The following CDIN1 variants were observed in gnomAD, a reference collection of about 807,000 sequenced individuals.
CDIN1 encodes the protein CDAN1-interacting nuclease 1.
Under a neutral mutation model 45.3 loss-of-function variants are expected in CDIN1, and 33 were observed. The ratio of observed to expected loss-of-function variants is 0.73; its 90% confidence interval spans 0.55 to 0.97. The LOEUF (loss-of-function observed/expected upper bound fraction) is 0.97. Among genes scored for constraint, CDIN1 ranks in the 50% least tolerant of loss-of-function variants. The pLI, the probability that CDIN1 is intolerant of heterozygous loss-of-function variation, is 0.00. For synonymous variants in CDIN1, 118 were observed against 124.4 expected (o/e 0.95, Z 0.34); for missense variants, 303 against 339.4 (o/e 0.89, Z 0.84).
intron 1 of CDIN1, among the ~76,000 whole-genome samples, chr15:36,604,949 G>A (rs909026832): frequency 6.6e-6 from 1 of 152,038 alleles, no homozygotes; most frequent in African/African-American, 2.4e-5. Context: ...AAGAGAAAGG[G>A]GGATTTAGAC....
At chr15:36,735,041 T>C (rs904275295) in intron 10 of CDIN1, among the ~76,000 whole-genome samples, 9 of 152,208 alleles carry the variant, frequency 5.9e-5, no homozygotes, top group South Asian at 4.1e-4. Context: ...TCAGTTTAAA[T>C]TATTATTCTG....
intron 1 of CDIN1, among the ~76,000 whole-genome samples, chr15:36,637,990 T>G (rs1239553026): frequency 6.6e-6 from 1 of 152,176 alleles, no homozygotes. Flanking sequence ...GCGTTATCTT[T>G]TGGGGTGCTG....
intron 4 of CDIN1, among the ~76,000 whole-genome samples, chr15:36,657,317 C>G (rs1400112588): frequency 6.6e-6 from 1 of 151,842 alleles, no homozygotes; most frequent in Non-Finnish European, 1.5e-5. Context: ...GAATTTATAC[C>G]AAAATTTCAG....
At chr15:36,657,255 A>G (rs1200506919) in intron 4 of CDIN1, among the ~76,000 whole-genome samples, 1 of 152,136 alleles carries the variant, frequency 6.6e-6, no homozygotes, top group Non-Finnish European at 1.5e-5. Context: ...TTTATTATTA[A>G]CATCTCTGCA....
At chr15:36,664,842 A>G (rs574194978) in intron 5 of CDIN1, among the ~76,000 whole-genome samples, 6 of 152,334 alleles carry the variant, frequency 3.9e-5, no homozygotes, top group Admixed American at 2.0e-4. Flanking sequence ...CACCGCGCCC[A>G]GCCTGGTTAC....
intron 5 of CDIN1, among the ~76,000 whole-genome samples, chr15:36,686,695 A>G (rs1203056827): frequency 6.6e-6 from 1 of 151,544 alleles, no homozygotes; most frequent in Non-Finnish European, 1.5e-5. Context: ...GCCTGGCAAC[A>G]TAGTGAAACC....
chr15:36,596,796 A>AAAC lies in CDIN1; in HGVS notation c.101+16847_101+16849dup, dbSNP rs1192324551. 2.0e-5 allele frequency among the ~76,000 whole-genome samples: 3 copies of AAAC among 152,252 alleles called. No individual in the cohort carries two copies. In the East Asian group the frequency reaches 5.8e-4, roughly 29 times the overall value. On this transcript the variant is annotated intron_variant, in intron 1 of 10. Transcript: ENST00000566621. ...CTCTTTAAAAAAAACAAAAAACAAA[A>AAAC]AACAACAACAACAAAAAAAACCCAG...
chr15:36,625,694 C>G (rs1412132780), intron 1 of CDIN1, among the ~76,000 whole-genome samples: 2 of 152,132 alleles, frequency 1.3e-5, no homozygotes, highest in Non-Finnish European at 2.9e-5. Context: ...CTCGGGAGAG[C>G]CTGGCCCAGT....
intron 1 of CDIN1, among the ~76,000 whole-genome samples, chr15:36,581,390 C>G (rs1179711110): frequency 6.6e-6 from 1 of 152,084 alleles, no homozygotes; most frequent in African/African-American, 2.4e-5. Context: ...GTGTCTGTTA[C>G]TTTAATCAAC....
intron 1 of CDIN1, among the ~76,000 whole-genome samples, chr15:36,594,043 C>A (rs150853080): frequency 6.6e-6 from 1 of 152,194 alleles, no homozygotes; most frequent in African/African-American, 2.4e-5. Flanking sequence ...TCAAAGTTTT[C>A]TTTTAATTTA....
At chr15:36,796,216 G>A (rs1380859096) in intron 10 of CDIN1, among the ~76,000 whole-genome samples, 1 of 152,100 alleles carries the variant, frequency 6.6e-6, no homozygotes, top group Non-Finnish European at 1.5e-5. Flanking sequence ...TGGGGTTTTT[G>A]GCATCAGGCA....
intron 1 of CDIN1, among the ~76,000 whole-genome samples, chr15:36,587,759 T>G (rs1595708114): frequency 1.3e-5 from 2 of 152,148 alleles, no homozygotes; most frequent in East Asian, 3.9e-4. Context: ...AAGCTCTATC[T>G]CTTTTTATCT....
At chr15:36,670,154 C>A (rs1285416261) in intron 5 of CDIN1, among the ~76,000 whole-genome samples, 1 of 151,902 alleles carries the variant, frequency 6.6e-6, no homozygotes, top group East Asian at 1.9e-4. Flanking sequence ...AGATACAGTC[C>A]CACTAAACAA....
At chr15:36,659,267 C>T (rs1446312826) in intron 5 of CDIN1, among the ~76,000 whole-genome samples, 1 of 152,186 alleles carries the variant, frequency 6.6e-6, no homozygotes, top group East Asian at 1.9e-4. Flanking sequence ...ATCTTTATAA[C>T]ACTGGCACAT....
At chr15:36,787,237 T>G (rs1259569311) in intron 10 of CDIN1, among the ~76,000 whole-genome samples, 1 of 152,220 alleles carries the variant, frequency 6.6e-6, no homozygotes, top group Non-Finnish European at 1.5e-5. Flanking sequence ...TCTGCCCTGG[T>G]TCTTACCCAT....
At chr15:36,720,253 ATTATTTATTTAT>A (rs140642356) in intron 10 of CDIN1, among the ~76,000 whole-genome samples, 4 of 145,442 alleles carry the variant, frequency 2.8e-5, no homozygotes, top group East Asian at 2.0e-4. Context: ...TTTATTATTT[ATTATTTATTTAT>A]TTATTTATTT....
chr15:36,582,823 T>A (rs2037109441), intron 1 of CDIN1, among the ~76,000 whole-genome samples: 1 of 152,334 alleles, frequency 6.6e-6, no homozygotes, highest in South Asian at 2.1e-4. Context: ...TTTTCCAGTA[T>A]TGAGAAGAGT....
At chr15:36,617,511 C>G (rs1454183029) in intron 1 of CDIN1, 3 of 841,308 alleles carry the variant, frequency 3.6e-6, no homozygotes, top group East Asian at 4.8e-5. Flanking sequence ...AGAATCTTTA[C>G]TTGATCTCTC....
At chr15:36,645,173 A>T (rs1197339717) in intron 2 of CDIN1, 50 bp from the exon 3 acceptor site, 3 of 1,403,660 alleles carry the variant, frequency 2.1e-6, no homozygotes, top group African/African-American at 2.9e-5. Flanking sequence ...TTTGAACCTC[A>T]TCTGTGACAT....
Sources: gnomAD v4.1 joint callset for allele counts (sites outside exome capture counted in the v4.1 genomes callset) on GRCh38, gnomAD v4.1.1 for gene constraint, MANE v1.5 for transcripts, NCBI Gene and HGNC (gene_info 2026-07-23, HGNC 2026-07-21) for gene names.